NCOR2: variants seen among roughly 807,000 people sequenced by gnomAD.
The protein encoded by NCOR2 is nuclear receptor corepressor 2.
In NCOR2, 81 loss-of-function variants were observed where a neutral mutation model predicts 262.9. That is an observed-to-expected ratio of 0.31 (90% CI 0.26 to 0.37). The LOEUF (loss-of-function observed/expected upper bound fraction) is 0.37, where lower values mean the gene tolerates loss of function less well. Among genes scored for constraint, NCOR2 ranks in the 10% least tolerant of loss-of-function variants. The pLI is 1.00. For synonymous variants in NCOR2, 1,659 were observed against 1,559.3 expected, an observed-to-expected ratio of 1.06 and a Z score of -1.51; for missense variants, 3,385 against 3,621.4, an observed-to-expected ratio of 0.93 and a Z score of 1.68.
At chr12:124,381,310 C>T (rs1182242453) in intron 17 of NCOR2, among the ~76,000 whole-genome samples, 1 of 152,208 alleles carries the variant, frequency 6.6e-6, no homozygotes, top group African/African-American at 2.4e-5. Flanking sequence ...ACTTCCTCAC[C>T]TCCTTCGGGC....
chr12:124,339,240 G>A (rs1261679691), intron 37 of NCOR2, among the ~76,000 whole-genome samples: 1 of 13,362 alleles, frequency 7.5e-5, no homozygotes, highest in Non-Finnish European at 1.4e-4. Context: ...CACCCACCCA[G>A]CTAAGCCAGT....
intron 17 of NCOR2, among the ~76,000 whole-genome samples, chr12:124,382,871 G>A (rs763681537): frequency 6.6e-6 from 1 of 152,220 alleles, no homozygotes; most frequent in Non-Finnish European, 1.5e-5. Context: ...CCCTACGACT[G>A]GGTCCCATTC....
chr12:124,484,740 A>ACC (rs1033422633), intron 2 of NCOR2, among the ~76,000 whole-genome samples: 2 of 149,262 alleles, frequency 1.3e-5, no homozygotes, highest in African/African-American at 4.9e-5. Flanking sequence ...ACCACACTAC[A>ACC]CCCGCCTGTC....
intron 10 of NCOR2, among the ~76,000 whole-genome samples, chr12:124,428,043 C>CGGTGTGTGTGTG (rs1491282996): frequency 9.8e-5 from 4 of 40,964 alleles, no homozygotes; most frequent in Non-Finnish European, 2.6e-4. Flanking sequence ...CCCATGTGGC[C>CGGTGTGTGTGTG]AGTGTGTGTG....
At chr12:124,354,558 T>A in exon 26 of NCOR2, 1 of 1,596,338 alleles carries the variant, frequency 6.3e-7, no homozygotes, top group Non-Finnish European at 8.5e-7. Context: ...GGACAGCTGC[T>A]CCTGCTTCAC....
intron 16 of NCOR2, among the ~76,000 whole-genome samples, chr12:124,393,090 C>T (rs1351002090): frequency 2.6e-5 from 4 of 152,228 alleles, no homozygotes; most frequent in East Asian, 1.9e-4. Context: ...GTTCTCTGCC[C>T]GCCAGAGAAG....
At chr12:124,326,680 T>G (rs2034680643) in intron 45 of NCOR2, among the ~76,000 whole-genome samples, 1 of 152,114 alleles carries the variant, frequency 6.6e-6, no homozygotes. Context: ...GCTGGAACCC[T>G]AAGCATGAAG....
upstream of NCOR2, among the ~76,000 whole-genome samples, chr12:124,499,833 A>G (rs2048598735): frequency 2.0e-5 from 3 of 152,094 alleles, no homozygotes. Context: ...GGCACTGGGG[A>G]CAGCAAGAGT....
At chr12:124,417,549 C>G (rs370304675) in intron 13 of NCOR2, among the ~76,000 whole-genome samples, 2 of 152,264 alleles carry the variant, frequency 1.3e-5, no homozygotes, top group South Asian at 4.1e-4. Flanking sequence ...GGGAGGGGAA[C>G]TGGGAAGGCC....
intron 27 of NCOR2, 31 bp from the exon 30 acceptor site, chr12:124,350,768 G>C (rs1566380775): frequency 1.3e-6 from 2 of 1,596,892 alleles, no homozygotes; most frequent in Non-Finnish European, 1.7e-6. Flanking sequence ...GCGCCCAGGA[G>C]GCTGCAGCCC....
At position 124,457,288 on chromosome 12, in the gene NCOR2, G is replaced by T; in HGVS notation, c.706-126C>A. On this transcript the variant is annotated intron_variant, in intron 5 of 46. Coordinates refer to ENST00000405201, the Ensembl canonical transcript of NCOR2. This position sits in a 1 kb window ranked among gnomAD's most constrained non-coding sequence, Gnocchi z 4.0. The stretch of plus-strand genomic sequence containing the variant: ...TCCAGCATGCTGATCCTCAGCACGG[G>T]GGAGGGAGGCCCGGGGCCCCCTGCA... 3 of 1,076,740 alleles carry T rather than the reference G, an allele frequency of 2.8e-6. No individual in the cohort carries two copies. The highest frequency in any genetic ancestry group is 3.9e-6 in the Non-Finnish European group (3 of 777,590). 66.7% of individuals were successfully genotyped at this position (1,076,740 alleles called of 1,614,324 possible).
intron 5 of NCOR2, among the ~76,000 whole-genome samples, chr12:124,465,685 TG>T (rs1311230771): frequency 6.6e-6 from 1 of 152,170 alleles, no homozygotes; most frequent in East Asian, 1.9e-4. Flanking sequence ...TGTGTGACTC[TG>T]GACAAGTCAC....
Position 124,356,799 on chromosome 12 carries a change from C to A in NCOR2, c.3101-17G>T, listed in dbSNP as rs752337076. 3.4e-6 allele frequency: 5 copies of A among 1,459,568 alleles called. No individual in the cohort carries two copies. Among genetic ancestry groups the A allele is most frequent in the Non-Finnish European group, 4.5e-6 (5 of 1,114,090 alleles). The allele number at this position is 1,459,568 out of a possible 1,614,324, so 90.4% of individuals were successfully genotyped here. On this transcript the variant is annotated splice_polypyrimidine_tract_variant and intron_variant, in intron 22 of 46. Transcript: ENST00000405201. ...CTGCGAAGGCTGGGAAGAACACAGG[C>A]TTCTCTGCTGAGGGCAGGAGGTGGG...
chr12:124,532,426 C>A (rs2050853542), intron 1 of NCOR2, among the ~76,000 whole-genome samples: 1 of 152,306 alleles, frequency 6.6e-6, no homozygotes, highest in South Asian at 2.1e-4. Flanking sequence ...CTCCCACTCA[C>A]CCCTGCTGGC....
At position 124,374,468 on chromosome 12, in the gene NCOR2, A is replaced by C. The variant is rs968239803; in HGVS notation, c.2168-5T>G. On this transcript the variant is annotated splice_polypyrimidine_tract_variant and splice_region_variant and intron_variant, in intron 18 of 46. Transcript: ENST00000405201. The stretch of plus-strand genomic sequence containing the variant: ...CATTCCCAGAGGCATGTAAGGCTGG[A>C]AGGAAGTCAGAGAAGAGTTAGAAGT... The C allele has an allele frequency of 1.9e-6, 3 of 1,611,996 alleles. No homozygotes were observed. The highest frequency in any genetic ancestry group is 1.3e-5 in the African/African-American group (1 of 74,900).
At chr12:124,346,024 C>G (rs758995661) in intron 31 of NCOR2, among the ~76,000 whole-genome samples, 2 of 152,272 alleles carry the variant, frequency 1.3e-5, no homozygotes, top group African/African-American at 4.8e-5. Context: ...TGTGGTGCAA[C>G]CTGCTGGTGG....
At chr12:124,364,358 G>C (rs531966615) in intron 20 of NCOR2, among the ~76,000 whole-genome samples, 1 of 152,196 alleles carries the variant, frequency 6.6e-6, no homozygotes, top group Non-Finnish European at 1.5e-5. Flanking sequence ...AATGAGCTCC[G>C]GTTACCAGAG....
chr12:124,495,468 G>A (rs146158053), upstream of NCOR2: 75 of 889,624 alleles, frequency 8.4e-5, 1 homozygote, highest in East Asian at 4.2e-4. This position sits in a 1 kb window ranked among gnomAD's most constrained non-coding sequence, Gnocchi z 4.4. Flanking sequence ...GTGAGGACAC[G>A]CGAGCACCCA....
intron 16 of NCOR2, among the ~76,000 whole-genome samples, chr12:124,386,889 C>T (rs968549297): frequency 5.3e-5 from 8 of 152,376 alleles, no homozygotes; most frequent in Non-Finnish European, 7.3e-5. Flanking sequence ...TGTGGCCCAG[C>T]CAGTCCATGC....
Sources: allele counts gnomAD v4.1 joint callset (sites outside exome capture counted in the v4.1 genomes callset), GRCh38; gene constraint gnomAD v4.1.1; non-coding constraint Gnocchi (gnomAD v3.1); transcripts MANE v1.5; gene names NCBI Gene and HGNC (gene_info 2026-07-23, HGNC 2026-07-21).